Variants in USP54 observed in about 807,000 individuals in gnomAD.
USP54 encodes ubiquitin carboxyl-terminal hydrolase 54.
A neutral mutation model predicts 170.5 loss-of-function variants in USP54; 87 were observed. The ratio of observed to expected loss-of-function variants is 0.51; its 90% CI spans 0.43 to 0.61. USP54 has a LOEUF of 0.61. Ranked by LOEUF, USP54 falls within the 20% of genes least tolerant of loss-of-function variation. The pLI, the probability that USP54 is intolerant of heterozygous loss-of-function variation, is 0.00. For missense variants in USP54, 1,786 were observed against 2,047.8 expected, an observed-to-expected ratio of 0.87 and a Z score of 2.47; for synonymous variants, 655 against 742.8, an observed-to-expected ratio of 0.88 and a Z score of 1.92.
chr10:73,554,616 T>C (rs1353849867), intron 4 of USP54, among the ~76,000 whole-genome samples: 1 of 152,174 alleles, frequency 6.6e-6, no homozygotes, highest in Admixed American at 6.6e-5. Context: ...GTAAAAAATT[T>C]CAAACATACA....
intron 17 of USP54, among the ~76,000 whole-genome samples, chr10:73,521,325 C>T (rs953699805): frequency 1.3e-5 from 2 of 152,142 alleles, no homozygotes; most frequent in African/African-American, 4.8e-5. Context: ...GGTTAGCGCG[C>T]GGTACTTATA....
chr10:73,560,031 C>T (rs1001039051), intron 4 of USP54, among the ~76,000 whole-genome samples: 11 of 151,430 alleles, frequency 7.3e-5, no homozygotes, highest in East Asian at 1.9e-4. Flanking sequence ...GGTGACAAAG[C>T]GACCCCATTT....
chr10:73,585,121 A>G (rs2077326104), intron 1 of USP54, among the ~76,000 whole-genome samples: 1 of 152,164 alleles, frequency 6.6e-6, no homozygotes, highest in African/African-American at 2.4e-5. Flanking sequence ...TAATAGATGG[A>G]TTTTTCATAA....
intron 4 of USP54, among the ~76,000 whole-genome samples, chr10:73,561,576 G>T (rs1332374306): frequency 6.6e-6 from 1 of 152,164 alleles, no homozygotes; most frequent in African/African-American, 2.4e-5. Context: ...AACACTCCAC[G>T]CAAAGTGAAT....
At chr10:73,527,522 A>C (rs935234838) in intron 15 of USP54, among the ~76,000 whole-genome samples, 2 of 151,502 alleles carry the variant, frequency 1.3e-5, no homozygotes, top group Non-Finnish European at 1.5e-5. Flanking sequence ...AAAAAAAGAA[A>C]ACAGAAAAAT....
intron 4 of USP54, among the ~76,000 whole-genome samples, chr10:73,559,930 A>AC (rs367736045): frequency 3.3e-5 from 5 of 150,476 alleles, no homozygotes; most frequent in African/African-American, 9.8e-5. Context: ...ATTAGCCACC[A>AC]CCTACTGGGG....
At chr10:73,588,092 A>G (rs1305835788) in intron 1 of USP54, among the ~76,000 whole-genome samples, 2 of 152,236 alleles carry the variant, frequency 1.3e-5, no homozygotes, top group Non-Finnish European at 2.9e-5. Context: ...ACACACACAT[A>G]TAACTACTAT....
chr10:73,604,204 G>C (rs544551997), intron 1 of USP54, among the ~76,000 whole-genome samples: 1 of 151,812 alleles, frequency 6.6e-6, no homozygotes, highest in South Asian at 2.1e-4. Flanking sequence ...AGCCGAGATC[G>C]CACCACTGAC....
rs368713118 is a variant in USP54 at position 73,520,924 on chromosome 10, G to A, written c.2466C>T (p.Leu822=). The change falls in exon 18 of 24, where the codon CTC becomes CTT. Residue 822 remains leucine, a synonymous_variant. Coordinates refer to ENST00000687698, the MANE Select transcript of USP54 (RefSeq NM_001391956.1). ...QKGDCAAALA[L]CNEAISKLRL... ...GTTACTTACAGATAGCTTCATTACA[G>A]AGAGCCAAAGCTGCAGCACAGTCTC... The A allele has an allele frequency of 6.2e-7, 1 of 1,614,056 alleles. No individual in the cohort carries two copies. The highest frequency in any genetic ancestry group is 1.3e-5 in the African/African-American group (1 of 74,924).
At chr10:73,521,130 T>A in intron 17 of USP54, 103 bp from the exon 18 acceptor site, 1 of 1,452,104 alleles carries the variant, frequency 6.9e-7, no homozygotes, top group Non-Finnish European at 9.4e-7. Context: ...GCTGAGCCAC[T>A]GGTCTACCCT....
intron 1 of USP54, among the ~76,000 whole-genome samples, chr10:73,610,190 T>A (rs76019064): frequency 0.012 from 1,893 of 152,034 alleles, 43 homozygotes; most frequent in African/African-American, 0.042. Flanking sequence ...ATTAAAAAAA[T>A]AAAAATAAAA....
intron 1 of USP54, chr10:73,624,392 G>GGGT (rs1564975352): frequency 7.2e-6 from 1 of 139,264 alleles, no homozygotes; most frequent in Non-Finnish European, 1.6e-5. Context: ...TAGAGACGGG[G>GGGT]GGGGGGGGTT....
In USP54 at chr10:73,552,145, C is replaced by T. The variant is rs114440938; in HGVS notation, c.241-6473G>A. ...GGCTGACACTTCAGCTATATGATCT[C>T]GGGTAAATTATTTAACTTCTTAAGG... On this transcript the variant is annotated intron_variant, in intron 4 of 23. Transcript: ENST00000687698. Among the ~76,000 whole-genome samples the T allele has an allele frequency of 2.8e-3, 432 of 152,164 alleles. 1 individual carries two copies. Among genetic ancestry groups the T allele is most frequent in the African/African-American group, 0.01 (417 of 41,492 alleles).
chr10:73,515,584 G>A (rs2060927448), intron 20 of USP54, among the ~76,000 whole-genome samples: 1 of 152,078 alleles, frequency 6.6e-6, no homozygotes, highest in Admixed American at 6.6e-5. Flanking sequence ...TTTTCCTAAA[G>A]GGATCAGGAA....
chr10:73,551,022 G>C (rs566091693), intron 4 of USP54, among the ~76,000 whole-genome samples: 1 of 152,116 alleles, frequency 6.6e-6, no homozygotes, highest in East Asian at 1.9e-4. Context: ...GGAGAATGGC[G>C]TGAACCCAGA....
At chr10:73,613,829 G>A (rs1413151711) in intron 1 of USP54, 3 of 151,876 alleles carry the variant, frequency 2.0e-5, no homozygotes, top group African/African-American at 7.3e-5. Context: ...CAGTTGAGCC[G>A]AGATTGTGCC....
upstream of USP54, among the ~76,000 whole-genome samples, chr10:73,592,892 C>T (rs2078390183): frequency 6.6e-6 from 1 of 152,222 alleles, no homozygotes; most frequent in African/African-American, 2.4e-5. Flanking sequence ...ATGATACTCA[C>T]ATTCTGCCTT....
intron 4 of USP54, among the ~76,000 whole-genome samples, chr10:73,563,719 G>A (rs1417079819): frequency 6.6e-6 from 1 of 152,172 alleles, no homozygotes; most frequent in East Asian, 1.9e-4. Context: ...TTACAGGCGT[G>A]AGCCACCGCA....
intron 18 of USP54, 49 bp downstream of exon 18, chr10:73,520,859 T>C (rs1164357451): frequency 6.2e-7 from 1 of 1,613,054 alleles, no homozygotes; most frequent in Non-Finnish European, 8.5e-7. Context: ...TAATACCTAT[T>C]GTGAAGTTAG....
Sources: gnomAD v4.1 joint callset for allele counts (sites outside exome capture counted in the v4.1 genomes callset) on GRCh38, gnomAD v4.1.1 for gene constraint, MANE v1.5 for transcripts, NCBI Gene and HGNC (gene_info 2026-07-23, HGNC 2026-07-21) for gene names.